USP4: variants seen among roughly 807,000 people sequenced by gnomAD.
USP4 encodes ubiquitin specific peptidase 4.
In USP4, 72 loss-of-function variants were observed where a neutral mutation model predicts 118.2. That is an observed-to-expected ratio of 0.61 (90% CI 0.50 to 0.74). The LOEUF (loss-of-function observed/expected upper bound fraction) is 0.74, where lower values mean the gene tolerates loss of function less well. Among genes scored for constraint, USP4 ranks in the 30% least tolerant of loss-of-function variants. The pLI is 0.00. For synonymous variants in USP4, 415 were observed against 440.4 expected (o/e 0.94, Z 0.72); for missense variants, 1,037 against 1,185.7 (o/e 0.87, Z 1.84).
At chr3:49,300,776 G>A (rs1294536447) in intron 10 of USP4, 85 bp from the exon 11 acceptor site, 36 of 1,260,378 alleles carry the variant, frequency 2.9e-5, no homozygotes, top group Non-Finnish European at 1.6e-5. Flanking sequence ...CAAACCTGGA[G>A]ATGAATCAGG....
At chr3:49,304,078 G>A (rs1165148587) in intron 9 of USP4, among the ~76,000 whole-genome samples, 3 of 152,148 alleles carry the variant, frequency 2.0e-5, no homozygotes, top group Non-Finnish European at 2.9e-5. Context: ...TAGTTTCTTT[G>A]TGACTTAGTA....
In USP4 at chr3:49,294,440, T is replaced by G. The variant is rs775682264; in HGVS notation, c.1850A>C (p.Glu617Ala). The G allele has an allele frequency of 1.1e-5, 17 of 1,614,088 alleles. No homozygotes were observed. Among genetic ancestry groups the G allele is most frequent in the Non-Finnish European group, 1.4e-5 (16 of 1,179,990 alleles). The change falls in exon 14 of 22, where the codon GAG becomes GCG. Residue 617 changes from glutamate to alanine, a missense_variant. By Grantham distance (107) the Glu-to-Ala change is moderately radical. Transcript: ENST00000265560. ...ATCACAAACAGCCTGGTACAAAGAC[T>G]CAAGGGTTAACTTGTGCTTGGGGAC... ...LSVPKHKLTLESLYQAVCDRI... is the reference protein window; with the variant it reads ...LSVPKHKLTLASLYQAVCDRI...
intron 10 of USP4, 55 bp from the exon 11 acceptor site, chr3:49,300,746 G>A (rs948303095): frequency 2.6e-6 from 4 of 1,536,344 alleles, no homozygotes; most frequent in Non-Finnish European, 3.6e-6. Flanking sequence ...CCTTGCCCCT[G>A]CATCCAGAAT....
chr3:49,296,056 GCA>G (rs1462056828), intron 13 of USP4, among the ~76,000 whole-genome samples: 1 of 152,194 alleles, frequency 6.6e-6, no homozygotes, highest in East Asian at 1.9e-4. Context: ...TGCAGGCCGG[GCA>G]CAGTGGCTCA....
chr3:49,295,732 ACACC>A (rs774766270), intron 13 of USP4, among the ~76,000 whole-genome samples: 35 of 150,362 alleles, frequency 2.3e-4, no homozygotes, highest in South Asian at 1.9e-3. Context: ...ACACACACAC[ACACC>A]CCCCCCTCCC....
chr3:49,289,831 T>A (rs371369741), intron 15 of USP4, among the ~76,000 whole-genome samples: 2 of 151,828 alleles, frequency 1.3e-5, no homozygotes, highest in Non-Finnish European at 2.9e-5. Flanking sequence ...ATTGGCCATG[T>A]GTGGCGGCTC....
intron 20 of USP4, among the ~76,000 whole-genome samples, 156 bp downstream of exon 20, chr3:49,280,588 A>G (rs1403395858): frequency 6.6e-6 from 1 of 152,046 alleles, no homozygotes; most frequent in Non-Finnish European, 1.5e-5. Flanking sequence ...AGAATTAAAA[A>G]AAAACAGAGA....
At chr3:49,298,489 G>A in intron 12 of USP4, 63 bp downstream of exon 12, 2 of 1,550,432 alleles carry the variant, frequency 1.3e-6, no homozygotes, top group South Asian at 1.1e-5. Flanking sequence ...AAGGTTGAAA[G>A]TAAACTCCAA....
Position 49,327,065 on chromosome 3 carries a change from G to C in USP4, c.360+621C>G, listed in dbSNP as rs1312317711. Among the ~76,000 whole-genome samples, 4 of 152,118 alleles carry C rather than the reference G, an allele frequency of 2.6e-5. No individual in the cohort carries two copies. In the East Asian group the frequency reaches 7.7e-4, roughly 29 times the overall value. On this transcript the variant is annotated intron_variant, in intron 3 of 21. Transcript: ENST00000265560. ...GGTTTTTTAAGATAAACAAGATGCA[G>C]GACATTAGCTATATGTCCATATGCC...
rs904242937 is a variant in USP4, at chr3:49,278,371, G to A, written c.2814C>T (p.Ser938=). 2 of 1,614,144 alleles carry A rather than the reference G, an allele frequency of 1.2e-6. No homozygotes were observed. Among genetic ancestry groups the A allele is most frequent in the African/African-American group, 2.7e-5 (2 of 75,022 alleles). Reference sequence around the variant, plus strand: ...TGCTTGGTCGTGTCCCTCCATCAGAGGAACCAGAACTGCTAAGTGAAGGTG... The same window carrying A: ...TGCTTGGTCGTGTCCCTCCATCAGAAGAACCAGAACTGCTAAGTGAAGGTG... ...YKTPSLSSSG[S]SDGGTRPSSS... Residue 938 remains serine, a synonymous_variant, in exon 22 of 22, where the codon TCC becomes TCT. Coordinates refer to ENST00000265560, the MANE Select transcript of USP4 (RefSeq NM_003363.4).
At chr3:49,329,261 G>A (rs1315905483) in intron 2 of USP4, among the ~76,000 whole-genome samples, 1 of 152,110 alleles carries the variant, frequency 6.6e-6, no homozygotes, top group African/African-American at 2.4e-5. Flanking sequence ...TAGTTCTCTT[G>A]CTATTTCCAC....
At chr3:49,287,688 G>T (rs2047111785) in intron 15 of USP4, among the ~76,000 whole-genome samples, 1 of 152,116 alleles carries the variant, frequency 6.6e-6, no homozygotes, top group Non-Finnish European at 1.5e-5. Context: ...GGCCAAGCAG[G>T]TCTCGAACTC....
At chr3:49,280,889 C>A in intron 19 of USP4, 42 bp from the exon 20 acceptor site, 1 of 1,572,326 alleles carries the variant, frequency 6.4e-7, no homozygotes, top group South Asian at 1.1e-5. Flanking sequence ...TATGTTAAAC[C>A]CAAACAAAGT....
chr3:49,304,442 A>G (rs763926483), intron 9 of USP4, among the ~76,000 whole-genome samples: 2 of 152,052 alleles, frequency 1.3e-5, no homozygotes, highest in Non-Finnish European at 2.9e-5. Context: ...TTCCTGGCTG[A>G]GGGACCCCAG....
At chr3:49,286,074 T>A in intron 16 of USP4, 24 bp downstream of exon 16, 1 of 1,610,622 alleles carries the variant, frequency 6.2e-7, no homozygotes, top group African/African-American at 1.3e-5. Context: ...AAGCCCAGCT[T>A]GAAAGGTCAG....
At chr3:49,326,875 G>C (rs1334762054) in intron 3 of USP4, among the ~76,000 whole-genome samples, 1 of 144,838 alleles carries the variant, frequency 6.9e-6, no homozygotes, top group Non-Finnish European at 1.5e-5. Context: ...TTAATTTTTG[G>C]ATTTTTAGCA....
rs769395399 is a variant in USP4 at position 49,335,475 on chromosome 3, A to G, written c.223T>C (p.Phe75Leu). The G allele has an allele frequency of 2.3e-5, 37 of 1,614,094 alleles. No individual in the cohort carries two copies. Among genetic ancestry groups the G allele is most frequent in the Non-Finnish European group, 3.1e-5 (37 of 1,180,052 alleles). The change falls in exon 2 of 22, where the codon TTT (phenylalanine) becomes CTT (leucine). Residue 75 changes from phenylalanine (F) to leucine (L), a missense_variant. By Grantham distance (22) the Phe-to-Leu change is conservative. Coordinates refer to ENST00000265560, the MANE Select transcript of USP4 (RefSeq NM_003363.4). ...FPGPIDNSGL[F>L]SDPESQTLKE... ...AAAGCAACATTTACTATACCTGAAAATAGCCCAGAGTTGTCTATTGGGCCA... is the reference window on the plus strand; with the variant it reads ...AAAGCAACATTTACTATACCTGAAAGTAGCCCAGAGTTGTCTATTGGGCCA...
intron 15 of USP4, among the ~76,000 whole-genome samples, chr3:49,291,640 A>G (rs1325740147): frequency 6.6e-6 from 1 of 151,832 alleles, no homozygotes; most frequent in Non-Finnish European, 1.5e-5. Flanking sequence ...CTTGAAAGAC[A>G]TATATGGTTT....
intron 3 of USP4, among the ~76,000 whole-genome samples, chr3:49,326,835 G>A (rs1336528009): frequency 1.3e-5 from 2 of 151,468 alleles, no homozygotes; most frequent in African/African-American, 4.9e-5. Context: ...CCGAGTAGCT[G>A]GGACTACAGG....
Sources: gnomAD v4.1 joint callset for allele counts (sites outside exome capture counted in the v4.1 genomes callset) on GRCh38, gnomAD v4.1.1 for gene constraint, MANE v1.5 for transcripts, NCBI Gene and HGNC (gene_info 2026-07-23, HGNC 2026-07-21) for gene names.